The following STRA6 variants were observed in gnomAD, a reference collection of about 807,000 sequenced individuals.
The protein encoded by STRA6 is receptor for retinol uptake STRA6.
STRA6 carries 48 observed loss-of-function variants against 83.6 expected under a neutral mutation model. The observed-to-expected ratio is 0.57, with a 90% CI of 0.46 to 0.73. The LOEUF is 0.73. STRA6 is among the 30% of genes least tolerant of loss of function. STRA6 has a pLI of 0.00. For synonymous variants in STRA6, 353 were observed against 362.3 expected, an observed-to-expected ratio of 0.97 and a Z score of 0.29; for missense variants, 760 against 838.8, an observed-to-expected ratio of 0.91 and a Z score of 1.16.
chr15:74,197,902 A>T (rs2073896070), intron 2 of STRA6, 84 bp from the exon 3 acceptor site: 14 of 1,436,584 alleles, frequency 9.7e-6, no homozygotes, highest in Non-Finnish European at 1.3e-5. Flanking sequence ...GACTGTTCAC[A>T]CTGAGGCTTT....
intron 12 of STRA6, among the ~76,000 whole-genome samples, chr15:74,185,590 G>A (rs111766239): frequency 5.2e-4 from 79 of 152,198 alleles, no homozygotes; most frequent in Admixed American, 3.3e-4. Flanking sequence ...GGAGGCAGCC[G>A]CTGTCACCCA....
intron 1 of STRA6, chr15:74,207,857 C>G: frequency 6.5e-7 from 1 of 1,526,952 alleles, no homozygotes; most frequent in Non-Finnish European, 8.8e-7. Context: ...GGCACCAGAC[C>G]AAGTCTGACT....
At chr15:74,193,421 G>T (rs12915891) in intron 8 of STRA6, among the ~76,000 whole-genome samples, 20,884 of 152,008 alleles carry the variant, frequency 0.14, 1,994 homozygotes, top group Non-Finnish European at 0.21. Context: ...ATGGAGTTCT[G>T]CCCTGGGTGC....
exon 1 of STRA6, chr15:74,208,825 C>CTT: frequency 1.0e-6 from 1 of 989,436 alleles, no homozygotes; most frequent in Non-Finnish European, 1.2e-6. Context: ...CTCCTGACCT[C>CTT]TCCCTTCCTT....
intron 17 of STRA6, 142 bp from the exon 18 acceptor site, chr15:74,181,079 G>T: frequency 7.3e-7 from 1 of 1,373,112 alleles, no homozygotes; most frequent in Non-Finnish European, 1.0e-6. Flanking sequence ...GTGGCACATT[G>T]GCTGCATGGG....
Position 74,197,365 on chromosome 15 carries a change from C to T in STRA6, c.239G>A (p.Cys80Tyr), listed in dbSNP as rs180889966. 177 of 1,550,562 alleles carry T rather than the reference C, an allele frequency of 1.1e-4. No homozygotes were observed. The African/African-American group carries it at 2.2e-3, about 19-fold the overall frequency. ...LVRRRQLWPD[C>Y]VRGRPGLPSP... ...GGGCAGGCCGGGCCTGCCACGCACA[C>T]AGTCAGGCCAGAGCTGGCGGCGCCT... Residue 80 changes from cysteine to tyrosine, a missense_variant, in exon 4 of 19, where the codon TGT becomes TAT. Physicochemically the swap from Cys to Tyr is radical, Grantham distance 194. Coordinates refer to ENST00000395105, the MANE Select transcript of STRA6 (RefSeq NM_022369.4).
At chr15:74,197,613 A>G in intron 3 of STRA6, 139 bp downstream of exon 3, 2 of 1,288,100 alleles carry the variant, frequency 1.6e-6, no homozygotes, top group South Asian at 2.5e-5. Context: ...TGGGCCTCCA[A>G]GCTGGGAGAA....
At chr15:74,189,843 T>C (rs2073446255) in intron 11 of STRA6, among the ~76,000 whole-genome samples, 1 of 152,080 alleles carries the variant, frequency 6.6e-6, no homozygotes, top group South Asian at 2.1e-4. Context: ...TTTATATTTT[T>C]AGTAGAGACA....
rs758178470 is a variant in STRA6 at position 74,182,144 on chromosome 15, C to T, written c.1520+17G>A. The T allele has an allele frequency of 3.7e-5, 60 of 1,612,148 alleles. No homozygotes were observed. The highest frequency in any genetic ancestry group is 4.4e-5 in the Non-Finnish European group (52 of 1,178,352). ...GGCGAGGGCCTGAGGGAGCCACAAG[C>T]CCAGATGCCACCTCACCGGTTGGTC... On this transcript the variant is annotated intron_variant, in intron 16 of 18. Transcript: ENST00000395105.
upstream of STRA6, chr15:74,209,619 T>C: frequency 1.6e-6 from 1 of 613,240 alleles, no homozygotes; most frequent in Non-Finnish European, 2.8e-6. Context: ...AGGCTGGGGT[T>C]CTGGAGTCCT....
chr15:74,181,850 CTTG>C (rs2073009347), intron 16 of STRA6, among the ~76,000 whole-genome samples: 1 of 152,150 alleles, frequency 6.6e-6, no homozygotes, highest in African/African-American at 2.4e-5. Context: ...AGGGAACTCC[CTTG>C]CTACAAAGTG....
At chr15:74,198,459 C>T (rs1367443985) in intron 2 of STRA6, among the ~76,000 whole-genome samples, 1 of 152,274 alleles carries the variant, frequency 6.6e-6, no homozygotes, top group East Asian at 1.9e-4. Flanking sequence ...TCAAGGCCTC[C>T]CCTCTCCAGG....
chr15:74,202,498 C>T (rs1459803151), intron 1 of STRA6: 27 of 1,529,732 alleles, frequency 1.8e-5, no homozygotes, highest in Non-Finnish European at 2.1e-5. Context: ...CCTCTCGTGT[C>T]CCCTCCTCCC....
upstream of STRA6, among the ~76,000 whole-genome samples, chr15:74,205,203 A>G (rs2074233005): frequency 2.0e-5 from 3 of 152,018 alleles, no homozygotes; most frequent in Non-Finnish European, 4.4e-5. Flanking sequence ...CAGAGGGGAG[A>G]GAGGGAGGTA....
upstream of STRA6, among the ~76,000 whole-genome samples, chr15:74,210,462 T>C (rs1166639915): frequency 6.6e-6 from 1 of 152,264 alleles, no homozygotes. Context: ...TCTCATTTTA[T>C]GCTTCTTTAA....
rs765362359 is a variant in STRA6, at chr15:74,202,105, C to T, written c.113+50G>A. The T allele has an allele frequency of 3.5e-6, 5 of 1,427,618 alleles. No individual in the cohort carries two copies. In the African/African-American group the frequency reaches 5.8e-5, roughly 16 times the overall value. The allele number at this position is 1,427,618 out of a possible 1,614,324, so 88.4% of individuals were successfully genotyped here. A position where few individuals can be genotyped will look rare whatever the true frequency, so the allele number is the denominator to read the frequency against. The stretch of plus-strand genomic sequence containing the variant: ...CCTGGCCAGTTGCAACCTCTGCCAT[C>T]ACCCCATTCTGATGGCTGACAGAGT... On this transcript the variant is annotated intron_variant, in intron 2 of 18. Transcript: ENST00000395105.
intron 10 of STRA6, 67 bp from the exon 11 acceptor site, chr15:74,190,968 C>T (rs778392653): frequency 2.5e-6 from 4 of 1,607,466 alleles, no homozygotes; most frequent in South Asian, 1.1e-5. Flanking sequence ...TCCTCCCTCC[C>T]AAGGGGCCCA....
intron 8 of STRA6, among the ~76,000 whole-genome samples, chr15:74,192,450 G>C (rs1212478872): frequency 1.3e-5 from 2 of 152,152 alleles, no homozygotes; most frequent in Non-Finnish European, 2.9e-5. Flanking sequence ...TCTCGGACCA[G>C]AGTAGCCCAA....
At chr15:74,211,147 G>A (rs1046418945), upstream of STRA6, among the ~76,000 whole-genome samples, 9 of 41,894 alleles carry the variant, frequency 2.1e-4, no homozygotes, top group Non-Finnish European at 3.4e-4. Flanking sequence ...CACTACGCAC[G>A]CACACGCACA....
Sources: allele counts gnomAD v4.1 joint callset (sites outside exome capture counted in the v4.1 genomes callset), GRCh38; gene constraint gnomAD v4.1.1; transcripts MANE v1.5; gene names NCBI Gene and HGNC (gene_info 2026-07-23, HGNC 2026-07-21).